The following GRM3 variants were observed in gnomAD, a reference collection of about 807,000 sequenced individuals.
GRM3 encodes the protein metabotropic glutamate receptor 3.
Under a neutral mutation model 70.5 loss-of-function variants are expected in GRM3, and 26 were observed. The observed-to-expected ratio is 0.37, with a 90% confidence interval of 0.27 to 0.51. The LOEUF is 0.51. GRM3 is among the 20% of genes least tolerant of loss of function. The probability of loss-of-function intolerance (pLI) is 0.93; values close to 1 mark genes in which losing one functional copy is unlikely to be tolerated. For missense variants in GRM3, 859 were observed against 1,123.8 expected, an observed-to-expected ratio of 0.76 and a Z score of 3.37; for synonymous variants, 443 against 434.9, an observed-to-expected ratio of 1.02 and a Z score of -0.23.
intron 1 of GRM3, among the ~76,000 whole-genome samples, chr7:86,712,708 C>T (rs1795226591): frequency 6.6e-6 from 1 of 151,964 alleles, no homozygotes. Flanking sequence ...TTTCTAGCTC[C>T]CACATTTGAG....
intron 3 of GRM3, among the ~76,000 whole-genome samples, chr7:86,831,418 T>C (rs747132765): frequency 1.9e-4 from 29 of 152,126 alleles, no homozygotes; most frequent in Non-Finnish European, 3.8e-4. Flanking sequence ...GGGCAAGAGT[T>C]GGGGAAAAGA....
intron 3 of GRM3, among the ~76,000 whole-genome samples, chr7:86,829,538 T>TA (rs781325260): frequency 6.6e-6 from 1 of 152,206 alleles, no homozygotes; most frequent in Non-Finnish European, 1.5e-5. Context: ...CTTGAACACT[T>TA]ATAGACCATC....
intron 1 of GRM3, among the ~76,000 whole-genome samples, chr7:86,697,247 G>A (rs1347644983): frequency 6.6e-6 from 1 of 150,702 alleles, no homozygotes; most frequent in African/African-American, 2.4e-5. Context: ...ATCTTGAAGA[G>A]AGGAAGAGAA....
At chr7:86,691,280 G>A (rs540259027) in intron 1 of GRM3, among the ~76,000 whole-genome samples, 18 of 152,084 alleles carry the variant, frequency 1.2e-4, no homozygotes, top group Non-Finnish European at 1.0e-4. Context: ...TTTGTCTTCC[G>A]GTTTCTACCT....
chr7:86,804,803 AT>A (rs2116635281), intron 3 of GRM3, among the ~76,000 whole-genome samples: 1 of 152,322 alleles, frequency 6.6e-6, no homozygotes, highest in African/African-American at 2.4e-5. Context: ...ATAATAGGAT[AT>A]CCTTCTGCAT....
chr7:86,808,381 T>C (rs1021345043), intron 3 of GRM3, among the ~76,000 whole-genome samples: 3 of 151,840 alleles, frequency 2.0e-5, no homozygotes, highest in African/African-American at 4.8e-5. Flanking sequence ...GGTCCTGGAC[T>C]TTTTTTTGGT....
chr7:86,718,052 T>C (rs949195031), intron 1 of GRM3, among the ~76,000 whole-genome samples: 36 of 151,954 alleles, frequency 2.4e-4, no homozygotes, highest in Admixed American at 3.9e-4. Context: ...CAAGTGTGAA[T>C]AGTGTTTTAT....
intron 5 of GRM3, among the ~76,000 whole-genome samples, chr7:86,854,837 G>A (rs1798817220): frequency 6.6e-6 from 1 of 152,188 alleles, no homozygotes; most frequent in Non-Finnish European, 1.5e-5. Context: ...CAAAGAGGAA[G>A]CAGGGTTTCA....
chr7:86,844,680 A>G (rs915839016), intron 4 of GRM3, among the ~76,000 whole-genome samples: 3 of 152,182 alleles, frequency 2.0e-5, no homozygotes, highest in African/African-American at 7.2e-5. Flanking sequence ...TAGGATGTTA[A>G]CAATGGAGAT....
intron 1 of GRM3, among the ~76,000 whole-genome samples, chr7:86,679,594 T>A (rs553546446): frequency 0.02 from 3,024 of 152,082 alleles, 103 homozygotes; most frequent in African/African-American, 0.069. Context: ...GAGATCTCTT[T>A]ATTATGTACA....
chr7:86,688,146 C>T (rs548942164), intron 1 of GRM3, among the ~76,000 whole-genome samples: 1 of 151,314 alleles, frequency 6.6e-6, no homozygotes, highest in Non-Finnish European at 1.5e-5. Flanking sequence ...GTCAATTACA[C>T]CTCAAAACTG....
At chr7:86,728,614 A>G (rs938503885) in intron 1 of GRM3, among the ~76,000 whole-genome samples, 2 of 152,084 alleles carry the variant, frequency 1.3e-5, no homozygotes, top group East Asian at 1.9e-4. Context: ...CCTTCACCTC[A>G]TCATCTTCCC....
intron 1 of GRM3, among the ~76,000 whole-genome samples, chr7:86,711,680 TA>T (rs1270820957): frequency 1.8e-4 from 28 of 152,232 alleles, no homozygotes; most frequent in African/African-American, 6.3e-4. Flanking sequence ...CATCACAACT[TA>T]TAGTTAATTA....
At chr7:86,646,016 TGGGAGGGA>T (rs1562811338) in intron 1 of GRM3, among the ~76,000 whole-genome samples, 5 of 9,898 alleles carry the variant, frequency 5.1e-4, no homozygotes, top group Non-Finnish European at 5.7e-4. Context: ...TGGGGGGGGG[TGGGAGGGA>T]GTTTAGGGGG....
At position 86,818,741 on chromosome 7, in the gene GRM3, C is replaced by G. The variant is rs140783740; in HGVS notation, c.1325-20098C>G. On this transcript the variant is annotated intron_variant, in intron 3 of 5. Transcript: ENST00000361669. ...TGCATATATACCAAATGTGTCAATA[C>G]CCAGCAGATACCTATAGTCTTAGTT... Among the ~76,000 whole-genome samples, 203 of 152,124 alleles carry G rather than the reference C, an allele frequency of 1.3e-3. 1 individual carries two copies. The highest frequency in any genetic ancestry group is 4.6e-3 in the African/African-American group (190 of 41,508).
At chr7:86,724,379 C>A (rs539291272) in intron 1 of GRM3, among the ~76,000 whole-genome samples, 6 of 152,268 alleles carry the variant, frequency 3.9e-5, no homozygotes, top group African/African-American at 1.4e-4. Context: ...TTCATTAGTG[C>A]AGAGTGTAAC....
chr7:86,735,034 G>A (rs941007925), intron 1 of GRM3, among the ~76,000 whole-genome samples: 1 of 152,204 alleles, frequency 6.6e-6, no homozygotes, highest in Non-Finnish European at 1.5e-5. Context: ...AATAAATGGA[G>A]CAAGGAGAAT....
At chr7:86,770,714 A>G (rs1480252227) in intron 2 of GRM3, among the ~76,000 whole-genome samples, 1 of 152,122 alleles carries the variant, frequency 6.6e-6, no homozygotes, top group African/African-American at 2.4e-5. Context: ...TCACACATTA[A>G]TTGCCAGTTT....
intron 1 of GRM3, among the ~76,000 whole-genome samples, chr7:86,694,268 G>C (rs1794759771): frequency 6.6e-6 from 1 of 152,158 alleles, no homozygotes; most frequent in Admixed American, 6.5e-5. Flanking sequence ...GCTCACGCCT[G>C]TAATTCCAGC....
Sources: allele counts gnomAD v4.1 joint callset (sites outside exome capture counted in the v4.1 genomes callset), GRCh38; gene constraint gnomAD v4.1.1; transcripts MANE v1.5; gene names NCBI Gene and HGNC (gene_info 2026-07-23, HGNC 2026-07-21).